The following CFHR5 variants were observed in gnomAD, a reference collection of about 807,000 sequenced individuals.
The protein encoded by CFHR5 is complement factor H related 5.
Under a neutral mutation model 62.9 loss-of-function variants are expected in CFHR5, and 73 were observed. The observed-to-expected ratio is 1.16, with a 90% CI of 0.96 to 1.41. The LOEUF (loss-of-function observed/expected upper bound fraction) is 1.41, where lower values mean the gene tolerates loss of function less well. Ranked by LOEUF, CFHR5 falls within the 40% of genes most tolerant of loss-of-function variation. CFHR5 has a pLI of 0.00. For missense variants in CFHR5, 779 were observed against 679.9 expected, an observed-to-expected ratio of 1.15 and a Z score of -1.62; for synonymous variants, 249 against 227.2, an observed-to-expected ratio of 1.10 and a Z score of -0.86.
chr1:197,003,200 G>T (rs1049000391), intron 8 of CFHR5, among the ~76,000 whole-genome samples: 1 of 152,108 alleles, frequency 6.6e-6, no homozygotes. Flanking sequence ...TCACAATAGG[G>T]TTCAAGATCC....
intron 6 of CFHR5, among the ~76,000 whole-genome samples, chr1:196,997,669 T>C (rs1197040676): frequency 6.6e-6 from 1 of 152,114 alleles, no homozygotes; most frequent in Non-Finnish European, 1.5e-5. Context: ...GAAATGTGAG[T>C]CATTGAACCT....
At chr1:196,985,248 C>T (rs1190468601) in intron 3 of CFHR5, among the ~76,000 whole-genome samples, 2 of 152,122 alleles carry the variant, frequency 1.3e-5, no homozygotes, top group African/African-American at 4.8e-5. Flanking sequence ...TAGTCCCCGC[C>T]ACTGGCAAGG....
intron 3 of CFHR5, among the ~76,000 whole-genome samples, chr1:196,992,461 C>G (rs959976437): frequency 6.6e-6 from 1 of 152,128 alleles, no homozygotes; most frequent in Non-Finnish European, 1.5e-5. Context: ...AAAGGAAAAT[C>G]CCCCAACCCC....
rs1014398100 is a variant in CFHR5 at position 196,990,075 on chromosome 1, C to T, written c.431-4005C>T. Reference sequence around the variant, plus strand: ...TCTCCTGTTGGGTGCATATATATTTCGGATAGTTAGCTCTTCTTGTTGAAT... The same window carrying T: ...TCTCCTGTTGGGTGCATATATATTTTGGATAGTTAGCTCTTCTTGTTGAAT... On this transcript the variant is annotated intron_variant, in intron 3 of 9. Coordinates refer to ENST00000256785, the MANE Select transcript of CFHR5 (RefSeq NM_030787.4). 4.6e-5 allele frequency among the ~76,000 whole-genome samples: 7 copies of T among 151,906 alleles called. No individual in the cohort carries two copies. In the South Asian group the frequency reaches 1.0e-3, roughly 23 times the overall value.
chr1:196,991,005 T>A (rs1653832958), intron 3 of CFHR5, among the ~76,000 whole-genome samples: 1 of 152,096 alleles, frequency 6.6e-6, no homozygotes, highest in Non-Finnish European at 1.5e-5. Flanking sequence ...GGTACAGCAA[T>A]CAAACGTAGA....
intron 3 of CFHR5, among the ~76,000 whole-genome samples, chr1:196,986,263 A>G (rs1205480583): frequency 2.0e-5 from 3 of 152,142 alleles, no homozygotes; most frequent in Non-Finnish European, 4.4e-5. Context: ...AGGGATTAGT[A>G]TGGCGTCATC....
At chr1:196,985,296 G>A (rs1653653905) in intron 3 of CFHR5, among the ~76,000 whole-genome samples, 1 of 152,126 alleles carries the variant, frequency 6.6e-6, no homozygotes, top group African/African-American at 2.4e-5. Flanking sequence ...AGTTATGACT[G>A]CACCAGTGCA....
chr1:196,995,920 A>G, intron 5 of CFHR5, 21 bp downstream of exon 5: 1 of 1,603,410 alleles, frequency 6.2e-7, no homozygotes, highest in Non-Finnish European at 8.5e-7. Context: ...ATTAACATTT[A>G]AACAGGACAG....
At chr1:196,994,383 T>C (rs1438714790) in intron 4 of CFHR5, 127 bp downstream of exon 4, 2 of 768,696 alleles carry the variant, frequency 2.6e-6, no homozygotes, top group Non-Finnish European at 4.5e-6. Flanking sequence ...GGAGAAAGGA[T>C]GCAGTTCTAT....
rs779177613 is a variant in CFHR5 at position 197,008,730 on chromosome 1, C to T, written c.*47C>T. On this transcript the variant is annotated 3_prime_UTR_variant, in exon 10 of 10. Coordinates refer to ENST00000256785, the MANE Select transcript of CFHR5 (RefSeq NM_030787.4). ...TATATTCTTCAAACATCCATCTATGCTAAAAGTAGCCATTATGTAGCCAAT... is the reference window on the plus strand; with the variant it reads ...TATATTCTTCAAACATCCATCTATGTTAAAAGTAGCCATTATGTAGCCAAT... The T allele has an allele frequency of 6.8e-7, 1 of 1,469,692 alleles. No homozygotes were observed. The highest frequency in any genetic ancestry group is 1.7e-5 in the Admixed American group (1 of 59,724). 91.0% of individuals were successfully genotyped at this position (1,469,692 alleles called of 1,614,324 possible). A position where few individuals can be genotyped will look rare whatever the true frequency, so the allele number is the denominator to read the frequency against.
chr1:197,002,397 C>T lies in CFHR5; in HGVS notation c.1148-85C>T, dbSNP rs112908822. ...ACATAGTGTGTGTGTGTCATTGAAT[C>T]TTCCATTTTCCTGAAACACTACCCT... On this transcript the variant is annotated intron_variant, in intron 7 of 9. Coordinates refer to ENST00000256785, the MANE Select transcript of CFHR5 (RefSeq NM_030787.4). 1.2e-4 allele frequency: 109 copies of T among 929,342 alleles called. 2 individuals are homozygous for T. In the African/African-American group the frequency reaches 1.5e-3, roughly 12 times the overall value. 57.6% of individuals were successfully genotyped at this position (929,342 alleles called of 1,614,324 possible). A position where few individuals can be genotyped will look rare whatever the true frequency, so the allele number is the denominator to read the frequency against.
At chr1:196,995,269 A>G (rs1484429589) in intron 4 of CFHR5, among the ~76,000 whole-genome samples, 1 of 152,146 alleles carries the variant, frequency 6.6e-6, no homozygotes, top group Non-Finnish European at 1.5e-5. Flanking sequence ...ATGTTTAAAT[A>G]TAGAGAGGAT....
rs751827245 is a variant in CFHR5, at chr1:196,995,948, TTA to T, written c.790+56_790+57del. 4 of 1,593,464 alleles carry T rather than the reference TTA, an allele frequency of 2.5e-6. No individual in the cohort carries two copies. In the South Asian group the frequency reaches 4.4e-5, roughly 18 times the overall value. On this transcript the variant is annotated intron_variant, in intron 5 of 9. Transcript: ENST00000256785. ...CAGGACAGTTACTATTACTTTGCAC[TTA>T]TATATAAATACACATGTAAACAGAT...
rs976601156 is a variant in CFHR5, at chr1:196,977,710, G to T, written c.46G>T (p.Val16Phe). The T allele has an allele frequency of 9.9e-6, 16 of 1,612,448 alleles. No individual in the cohort carries two copies. Among genetic ancestry groups the T allele is most frequent in the Non-Finnish European group, 1.4e-5 (16 of 1,178,646 alleles). ...SVILISWVSTVGGEGTLCDFP... is the reference protein window; with the variant it reads ...SVILISWVSTFGGEGTLCDFP... ...AATCCTAATCTCATGGGTATCCACTGTTGGGGGAGAAGGTAAGTTGAAAAC... is the reference window on the plus strand; with the variant it reads ...AATCCTAATCTCATGGGTATCCACTTTTGGGGGAGAAGGTAAGTTGAAAAC... The change falls in exon 1 of 10, where the codon GTT becomes TTT. Residue 16 changes from valine (V) to phenylalanine (F), a missense_variant. Physicochemically the swap from Val to Phe is conservative, Grantham distance 50. Transcript: ENST00000256785.
At chr1:196,999,956 C>T (rs898498072) in intron 7 of CFHR5, among the ~76,000 whole-genome samples, 3 of 150,954 alleles carry the variant, frequency 2.0e-5, no homozygotes, top group African/African-American at 4.9e-5. Context: ...TCCAACTAAT[C>T]CAAGATATGA....
intron 3 of CFHR5, among the ~76,000 whole-genome samples, chr1:196,985,343 T>A (rs1653655102): frequency 6.6e-6 from 1 of 152,196 alleles, no homozygotes; most frequent in African/African-American, 2.4e-5. Context: ...CCTTCCCCAC[T>A]AGAAAAACAA....
chr1:196,987,993 C>A lies in CFHR5; in HGVS notation c.430+3856C>A, dbSNP rs184332011. On this transcript the variant is annotated intron_variant, in intron 3 of 9. Coordinates refer to ENST00000256785, the MANE Select transcript of CFHR5 (RefSeq NM_030787.4). ...CATTTTCACGATATTGATTCTTCCT[C>A]TCCATGAGCATGGAAAGTTCTTCCA... is the stretch of plus-strand genomic sequence containing the variant. 2.3e-3 allele frequency among the ~76,000 whole-genome samples: 343 copies of A among 152,182 alleles called. 6 individuals are homozygous for A. Among genetic ancestry groups the A allele is most frequent in the African/African-American group, 7.8e-3 (325 of 41,518 alleles).
Position 196,996,206 on chromosome 1 carries a change from G to T in CFHR5, c.970+5G>T. ...CAGAGCTTCCTATGTGTGTTGGTGAGAAAACATTCCTAAACTTTATATTTG... is the reference window on the plus strand; with the variant it reads ...CAGAGCTTCCTATGTGTGTTGGTGATAAAACATTCCTAAACTTTATATTTG... On this transcript the variant is annotated splice_donor_5th_base_variant and intron_variant, in intron 6 of 9. Transcript: ENST00000256785. 1 of 1,593,996 alleles carries T rather than the reference G, an allele frequency of 6.3e-7. No individual in the cohort carries two copies. Among genetic ancestry groups the T allele is most frequent in the Non-Finnish European group, 8.6e-7 (1 of 1,161,986 alleles).
intron 7 of CFHR5, among the ~76,000 whole-genome samples, chr1:197,002,126 C>A (rs1208436242): frequency 6.6e-6 from 1 of 151,536 alleles, no homozygotes; most frequent in Non-Finnish European, 1.5e-5. Context: ...TGTTTAAATT[C>A]AATGTACATA....
Sources: gnomAD v4.1 joint callset for allele counts (sites outside exome capture counted in the v4.1 genomes callset) on GRCh38, gnomAD v4.1.1 for gene constraint, MANE v1.5 for transcripts, NCBI Gene and HGNC (gene_info 2026-07-23, HGNC 2026-07-21) for gene names.